The following GABRR1 variants were observed in gnomAD, a reference collection of about 807,000 sequenced individuals.
GABRR1 encodes gamma-aminobutyric acid type A receptor subunit rho1, also known as gamma-aminobutyric acid receptor subunit rho-1.
Under a neutral mutation model 55.5 loss-of-function variants are expected in GABRR1, and 59 were observed. That is an observed-to-expected ratio of 1.06 (90% CI 0.86 to 1.32). The LOEUF is 1.32. GABRR1 is among the 40% of genes most tolerant of loss of function. The probability of loss-of-function intolerance (pLI) is 0.00; values close to 1 mark genes in which losing one functional copy is unlikely to be tolerated. For missense variants in GABRR1, 602 were observed against 619.1 expected (o/e 0.97, Z 0.29); for synonymous variants, 213 against 226.0 (o/e 0.94, Z 0.51).
rs148152663 is a variant in GABRR1 at position 89,179,082 on chromosome 6, T to C, written c.1147-19A>G. On this transcript the variant is annotated intron_variant, in intron 9 of 9. Coordinates refer to ENST00000454853, the MANE Select transcript of GABRR1 (RefSeq NM_002042.5). ...AGGGAAGCTGCAAACAGTAAACACA[T>C]GTTGGGGTGTGAGCTCAGCATCATC... 2.4e-4 allele frequency: 393 copies of C among 1,607,688 alleles called. 1 individual carries two copies. In the African/African-American group the frequency reaches 4.7e-3, roughly 19 times the overall value.
chr6:89,180,905 C>T (rs78009521), intron 8 of GABRR1, among the ~76,000 whole-genome samples: 1,524 of 152,234 alleles, frequency 0.01, 22 homozygotes, highest in African/African-American at 0.035. Context: ...ATATCATGTC[C>T]TGGCTCTTGG....
At chr6:89,189,110 C>T (rs960335741) in intron 6 of GABRR1, among the ~76,000 whole-genome samples, 20 of 151,964 alleles carry the variant, frequency 1.3e-4, no homozygotes, top group Non-Finnish European at 1.3e-4. Flanking sequence ...ATTCGCTTAG[C>T]CCTCTACTTC....
chr6:89,199,905 G>A (rs1772410400), intron 3 of GABRR1, among the ~76,000 whole-genome samples: 1 of 152,206 alleles, frequency 6.6e-6, no homozygotes, highest in African/African-American at 2.4e-5. Context: ...GCAACATGAT[G>A]GAGTAGCTTC....
intron 5 of GABRR1, among the ~76,000 whole-genome samples, chr6:89,196,849 AAGAAAGAAAG>A (rs1253680360): frequency 1.5e-5 from 2 of 136,750 alleles, no homozygotes; most frequent in Non-Finnish European, 3.1e-5. Context: ...GAAAGAAAGA[AAGAAAGAAAG>A]AAAGAAAGAA....
chr6:89,196,881 G>GAAAGAA (rs57085890), intron 5 of GABRR1, among the ~76,000 whole-genome samples: 6,755 of 94,840 alleles, frequency 0.071, 292 homozygotes, highest in Middle Eastern at 0.13. Context: ...GAAAGAAAGA[G>GAAAGAA]AAGAGAAGAA....
intron 5 of GABRR1, among the ~76,000 whole-genome samples, chr6:89,195,864 C>T (rs380898): frequency 1.3e-5 from 2 of 151,926 alleles, no homozygotes; most frequent in East Asian, 1.9e-4. Context: ...AAATCAGCCA[C>T]GATGGGAGTA....
chr6:89,226,566 G>A (rs971212008), intron 1 of GABRR1, among the ~76,000 whole-genome samples: 2 of 150,004 alleles, frequency 1.3e-5, no homozygotes, highest in Non-Finnish European at 3.0e-5. Flanking sequence ...TCAAAGATCA[G>A]ATAGTTGTAG....
At chr6:89,197,874 A>C (rs1772349828) in intron 5 of GABRR1, 146 bp downstream of exon 5, 2 of 644,746 alleles carry the variant, frequency 3.1e-6, no homozygotes, top group East Asian at 5.4e-5. Context: ...ATTTCTACTC[A>C]TGTATAAAGT....
chr6:89,196,822 GGAAAGAAAGAAAGAAAGAAAGAAA>G (rs59446411), intron 5 of GABRR1, among the ~76,000 whole-genome samples: 4,098 of 91,072 alleles, frequency 0.045, 91 homozygotes, highest in African/African-American at 0.051. Context: ...AAGAAAAGAA[GGAAAGAAAGAAAGAAAGAAAGAAA>G]GAAAGAAAGA....
Position 89,198,192 on chromosome 6 carries a change from A to G in GABRR1, c.400T>C (p.Ser134Pro). The G allele has an allele frequency of 6.2e-7, 1 of 1,614,066 alleles. No homozygotes were observed. The highest frequency in any genetic ancestry group is 2.2e-5 in the East Asian group (1 of 44,872). Residue 134 changes from serine to proline, a missense_variant, in exon 5 of 10, where the codon TCT (serine) becomes CCT (proline). Around this residue, in one of 3 missense-constraint regions of GABRR1, gnomAD observed 435 missense variants for 424.2 expected, o/e 1.03. Coordinates refer to ENST00000454853, the MANE Select transcript of GABRR1 (RefSeq NM_002042.5). ...LRHYWKDERL[S>P]FPSTNNLSMT... Reference sequence around the variant, plus strand: ...CTGAGGTTGTTGGTGCTTGGAAAAGACAGCCTCTCGTCCTTCCAGTAGTGC... The same window carrying G: ...CTGAGGTTGTTGGTGCTTGGAAAAGGCAGCCTCTCGTCCTTCCAGTAGTGC...
intron 9 of GABRR1, among the ~76,000 whole-genome samples, chr6:89,180,033 C>T (rs891311160): frequency 6.6e-6 from 1 of 152,020 alleles, no homozygotes. Context: ...AAGATGTTCC[C>T]TAACACTTAA....
chr6:89,201,135 A>G, intron 3 of GABRR1, 24 bp downstream of exon 3: 1 of 1,545,004 alleles, frequency 6.5e-7, no homozygotes, highest in Non-Finnish European at 8.9e-7. Flanking sequence ...GAAAGAGGAC[A>G]CCCTGAGAGC....
rs1331705787 is a variant in GABRR1 at position 89,201,206 on chromosome 6, AGC to A, written c.231_232del (p.Gln77HisfsTer6). On this transcript the variant is annotated frameshift_variant, in exon 3 of 10. Coordinates refer to ENST00000454853, the MANE Select transcript of GABRR1 (RefSeq NM_002042.5). LOFTEE classifies it high-confidence loss of function. The stretch of plus-strand genomic sequence containing the variant: ...GAAATCATGGTCATCTATCCTCAGA[AGC>A]TGTTCTGACTTTGTCAGAGGCGATT... The A allele has an allele frequency of 6.2e-7, 1 of 1,614,148 alleles. No individual in the cohort carries two copies. The highest frequency in any genetic ancestry group is 1.7e-5 in the Admixed American group (1 of 60,016).
At chr6:89,217,382 T>C, upstream of GABRR1, 6 of 1,577,386 alleles carry the variant, frequency 3.8e-6, no homozygotes, top group East Asian at 2.3e-5. Context: ...ATTGTTCTTT[T>C]TCTCTCTTAA....
chr6:89,211,089 G>A (rs192344024), intron 1 of GABRR1, among the ~76,000 whole-genome samples: 18 of 152,298 alleles, frequency 1.2e-4, no homozygotes, highest in African/African-American at 2.6e-4. Context: ...GGGGCAGGTC[G>A]TAATCAGCAG....
intron 4 of GABRR1, 125 bp from the exon 5 acceptor site, chr6:89,198,368 TCTAGTCTC>T (rs1772367121): frequency 3.6e-6 from 2 of 559,098 alleles, no homozygotes; most frequent in African/African-American, 4.1e-5. Flanking sequence ...AGGTTTTGCT[TCTAGTCTC>T]CAGAGTTTGC....
intron 6 of GABRR1, among the ~76,000 whole-genome samples, chr6:89,185,760 T>C (rs1310476389): frequency 2.0e-5 from 3 of 152,226 alleles, no homozygotes. Flanking sequence ...TCTATTTTTG[T>C]AGGTTAGAAA....
intron 1 of GABRR1, among the ~76,000 whole-genome samples, chr6:89,226,320 T>C (rs558881801): frequency 0.023 from 3,345 of 144,552 alleles, 72 homozygotes; most frequent in Middle Eastern, 0.031. Context: ...TTTGGTGTTT[T>C]GGACATGAAG....
chr6:89,207,137 A>G (rs1772674243), intron 1 of GABRR1, among the ~76,000 whole-genome samples: 1 of 152,184 alleles, frequency 6.6e-6, no homozygotes, highest in Non-Finnish European at 1.5e-5. Flanking sequence ...GAGCTAGGAG[A>G]GTCAGTAGAA....
Sources: gnomAD v4.1 joint callset for allele counts (sites outside exome capture counted in the v4.1 genomes callset) on GRCh38, gnomAD v4.1.1 for gene constraint, gnomAD v4.1.1 regional missense constraint, MANE v1.5 for transcripts, NCBI Gene and HGNC (gene_info 2026-07-23, HGNC 2026-07-21) for gene names.